The following RALGPS1 variants were observed in gnomAD, a reference collection of about 807,000 sequenced individuals.
The protein encoded by RALGPS1 is ras-specific guanine nucleotide-releasing factor RalGPS1.
Under a neutral mutation model 78.8 loss-of-function variants are expected in RALGPS1, and 19 were observed. The observed-to-expected ratio is 0.24, with a 90% CI of 0.17 to 0.35. The LOEUF is 0.35. Among genes scored for constraint, RALGPS1 ranks in the 10% least tolerant of loss-of-function variants. The pLI, the probability that RALGPS1 is intolerant of heterozygous loss-of-function variation, is 1.00. For missense variants in RALGPS1, 454 were observed against 688.3 expected (o/e 0.66, Z 3.81); for synonymous variants, 228 against 256.3 (o/e 0.89, Z 1.06).
At position 127,100,369 on chromosome 9, in the gene RALGPS1, C is replaced by T. The variant is rs151147070; in HGVS notation, c.610+31013C>T. Among the ~76,000 whole-genome samples, 8 of 152,338 alleles carry T rather than the reference C, an allele frequency of 5.3e-5. No homozygotes were observed. The East Asian group carries it at 1.5e-3, about 29-fold the overall frequency. Reference sequence around the variant, plus strand: ...GGCTTATAAAGGTCCTGTTTCTGCTCATTTGACCTCGGGAGAAACAGACAT... The same window carrying T: ...GGCTTATAAAGGTCCTGTTTCTGCTTATTTGACCTCGGGAGAAACAGACAT... On this transcript the variant is annotated intron_variant, in intron 8 of 18. Coordinates refer to ENST00000259351, the MANE Select transcript of RALGPS1 (RefSeq NM_014636.3).
At chr9:126,923,000 C>G (rs530588615) in intron 1 of RALGPS1, among the ~76,000 whole-genome samples, 1 of 152,278 alleles carries the variant, frequency 6.6e-6, no homozygotes, top group Non-Finnish European at 1.5e-5. Flanking sequence ...GGTCATGGGC[C>G]GTGACTGTTT....
intron 11 of RALGPS1, among the ~76,000 whole-genome samples, chr9:127,180,900 G>C (rs151142790): frequency 1.8e-4 from 27 of 152,342 alleles, no homozygotes; most frequent in Non-Finnish European, 3.1e-4. Flanking sequence ...CTACAAGCGG[G>C]GGGCGCAGAA....
rs147869967 is a variant in RALGPS1 at position 126,944,314 on chromosome 9, T to C, written c.-65-17911T>C. The stretch of plus-strand genomic sequence containing the variant: ...GACACTAATGGATGTGGTCCTATCC[T>C]GACCTGGCTTGGTACCAGCCAGACC... On this transcript the variant is annotated intron_variant, in intron 1 of 18. Coordinates refer to ENST00000259351, the MANE Select transcript of RALGPS1 (RefSeq NM_014636.3). Among the ~76,000 whole-genome samples the C allele has an allele frequency of 4.3e-3, 659 of 152,346 alleles. 3 individuals are homozygous for C. The highest frequency in any genetic ancestry group is 0.015 in the African/African-American group (625 of 41,576).
At chr9:127,052,646 T>G (rs2048391800) in intron 6 of RALGPS1, among the ~76,000 whole-genome samples, 1 of 152,212 alleles carries the variant, frequency 6.6e-6, no homozygotes, top group African/African-American at 2.4e-5. Flanking sequence ...CAGACTCACG[T>G]TTTAGATGCA....
At chr9:127,067,122 C>T (rs1173315513) in intron 7 of RALGPS1, among the ~76,000 whole-genome samples, 4 of 151,990 alleles carry the variant, frequency 2.6e-5, no homozygotes, top group African/African-American at 9.7e-5. Context: ...CCATTTTTAC[C>T]ACTGGGCTTT....
intron 4 of RALGPS1, among the ~76,000 whole-genome samples, chr9:127,007,590 G>A (rs1311383048): frequency 1.3e-5 from 2 of 152,196 alleles, no homozygotes; most frequent in Non-Finnish European, 2.9e-5. Flanking sequence ...CAAGACTTGA[G>A]GAATGAACTG....
At chr9:127,001,615 G>A (rs1303472919) in intron 4 of RALGPS1, among the ~76,000 whole-genome samples, 1 of 152,172 alleles carries the variant, frequency 6.6e-6, no homozygotes, top group East Asian at 1.9e-4. Context: ...GCTGGGCGCG[G>A]TGGCTCACAC....
At position 127,025,208 on chromosome 9, in the gene RALGPS1, G is replaced by A. The variant is rs543434977; in HGVS notation, c.217-9223G>A. Among the ~76,000 whole-genome samples the A allele has an allele frequency of 4.6e-5, 7 of 152,282 alleles. No individual in the cohort carries two copies. In the South Asian group the frequency reaches 1.5e-3, roughly 32 times the overall value. The stretch of plus-strand genomic sequence containing the variant: ...AAAACTGTTGACATTCGTGTACGCT[G>A]ATGTATGCGTCACTCTGTCATTCGT... On this transcript the variant is annotated intron_variant, in intron 4 of 18. Coordinates refer to ENST00000259351, the MANE Select transcript of RALGPS1 (RefSeq NM_014636.3).
chr9:127,012,080 G>A (rs988504550), intron 4 of RALGPS1, among the ~76,000 whole-genome samples: 3 of 152,156 alleles, frequency 2.0e-5, no homozygotes, highest in African/African-American at 7.2e-5. Flanking sequence ...GACTCTCTTG[G>A]GAAATGAGAG....
intron 1 of RALGPS1, among the ~76,000 whole-genome samples, chr9:126,921,758 C>T (rs539160499): frequency 3.9e-5 from 6 of 152,262 alleles, no homozygotes; most frequent in African/African-American, 4.8e-5. Flanking sequence ...AGATAGTACG[C>T]GCCTTTGTGT....
intron 5 of RALGPS1, among the ~76,000 whole-genome samples, chr9:127,045,644 T>A (rs2047681631): frequency 6.6e-6 from 1 of 152,042 alleles, no homozygotes; most frequent in Non-Finnish European, 1.5e-5. Flanking sequence ...GTTGGAGACA[T>A]CAGTATGAAC....
rs143134027 is a variant in RALGPS1 at position 127,134,674 on chromosome 9, A to T, written c.611-31395A>T. 3.0e-3 allele frequency among the ~76,000 whole-genome samples: 450 copies of T among 152,248 alleles called. 3 individuals carry two copies. The highest frequency in any genetic ancestry group is 4.5e-3 in the Non-Finnish European group (308 of 68,014). ...GGTCTTGCTCCCTAAACTGACTCAG[A>T]TCTTCATTTTGTTTTTGTTGTTGTT... On this transcript the variant is annotated intron_variant, in intron 8 of 18. Coordinates refer to ENST00000259351, the MANE Select transcript of RALGPS1 (RefSeq NM_014636.3).
At chr9:126,933,506 G>A (rs1050094662) in intron 1 of RALGPS1, among the ~76,000 whole-genome samples, 1 of 152,214 alleles carries the variant, frequency 6.6e-6, no homozygotes, top group African/African-American at 2.4e-5. Context: ...CAGAGAAGGG[G>A]CTGACTGCCT....
intron 7 of RALGPS1, among the ~76,000 whole-genome samples, chr9:127,055,623 A>T (rs888338971): frequency 1.3e-5 from 2 of 152,220 alleles, no homozygotes; most frequent in African/African-American, 4.8e-5. Context: ...ACAGAAAGGT[A>T]GAGTGGTTTA....
chr9:127,063,246 G>A (rs760424088), intron 7 of RALGPS1, among the ~76,000 whole-genome samples: 15 of 152,144 alleles, frequency 9.9e-5, no homozygotes, highest in Non-Finnish European at 1.9e-4. Context: ...TCAAATACAA[G>A]TGCCACATAC....
chr9:127,101,583 A>C (rs1455264701), intron 8 of RALGPS1, among the ~76,000 whole-genome samples: 1 of 152,154 alleles, frequency 6.6e-6, no homozygotes, highest in African/African-American at 2.4e-5. Flanking sequence ...GAGAACCAAT[A>C]ATAATAAATC....
At chr9:127,150,912 G>A (rs562552700) in intron 8 of RALGPS1, among the ~76,000 whole-genome samples, 3 of 152,254 alleles carry the variant, frequency 2.0e-5, no homozygotes, top group South Asian at 4.2e-4. Flanking sequence ...GGCTGGGCTC[G>A]GTGGCTCACG....
At chr9:127,035,039 T>C (rs561552615) in intron 5 of RALGPS1, among the ~76,000 whole-genome samples, 3 of 152,322 alleles carry the variant, frequency 2.0e-5, no homozygotes, top group African/African-American at 7.2e-5. Flanking sequence ...CATTGTACCC[T>C]GTGCTCCCTG....
intron 8 of RALGPS1, among the ~76,000 whole-genome samples, chr9:127,149,010 T>C (rs1235608485): frequency 6.6e-6 from 1 of 152,192 alleles, no homozygotes; most frequent in Non-Finnish European, 1.5e-5. Flanking sequence ...CCTCATTCTG[T>C]CTACACCTCC....
Sources: gnomAD v4.1 joint callset for allele counts (sites outside exome capture counted in the v4.1 genomes callset) on GRCh38, gnomAD v4.1.1 for gene constraint, MANE v1.5 for transcripts, NCBI Gene and HGNC (gene_info 2026-07-23, HGNC 2026-07-21) for gene names.